HMCN1: variants seen among roughly 807,000 people sequenced by gnomAD.
HMCN1 encodes hemicentin 1, also known as hemicentin-1.
HMCN1 carries 321 observed loss-of-function variants against 625.9 expected under a neutral mutation model. That is an observed-to-expected ratio of 0.51 (90% confidence interval 0.47 to 0.56). The LOEUF is 0.56. Ranked by LOEUF, HMCN1 falls within the 20% of genes least tolerant of loss-of-function variation. The pLI, the probability that HMCN1 is intolerant of heterozygous loss-of-function variation, is 0.00. For missense variants in HMCN1, 6,588 were observed against 6,887.3 expected (o/e 0.96, Z 1.54); for synonymous variants, 2,425 against 2,417.6 (o/e 1.00, Z -0.09).
At chr1:185,987,066 G>C (rs1344382357) in intron 19 of HMCN1, among the ~76,000 whole-genome samples, 1 of 151,550 alleles carries the variant, frequency 6.6e-6, no homozygotes, top group Admixed American at 6.6e-5. Flanking sequence ...AATGAATAAA[G>C]GACAGTGATT....
Position 186,095,493 on chromosome 1 carries a change from C to T in HMCN1, c.10545C>T (p.Val3515=). The change falls in exon 68 of 107, where the codon GTC becomes GTT. Residue 3515 remains valine (V), a synonymous_variant. Coordinates refer to ENST00000271588, the MANE Select transcript of HMCN1 (RefSeq NM_031935.3). ...TCIASNEAGE[V]SKHFILKVLE... ...TTGCCTCAAATGAAGCTGGAGAAGT[C>T]AGCAAGCACTTTATCCTCAAGGTCC... The T allele has an allele frequency of 6.2e-7, 1 of 1,613,542 alleles. No homozygotes were observed. The highest frequency in any genetic ancestry group is 1.3e-5 in the African/African-American group (1 of 74,982).
intron 6 of HMCN1, among the ~76,000 whole-genome samples, chr1:185,912,643 A>G (rs1312529921): frequency 6.6e-6 from 1 of 152,012 alleles, no homozygotes; most frequent in Non-Finnish European, 1.5e-5. Flanking sequence ...TTTTCCTAGA[A>G]CAGGAAAAGG....
At chr1:185,748,422 A>AT (rs752544772) in intron 1 of HMCN1, among the ~76,000 whole-genome samples, 10 of 152,256 alleles carry the variant, frequency 6.6e-5, no homozygotes, top group Non-Finnish European at 8.8e-5. Flanking sequence ...ATTTTCCAAA[A>AT]TTTCACATCT....
chr1:185,758,168 C>T (rs1655255774), intron 1 of HMCN1, among the ~76,000 whole-genome samples: 2 of 152,176 alleles, frequency 1.3e-5, no homozygotes, highest in South Asian at 4.1e-4. Flanking sequence ...TCAACATGCC[C>T]ATGCCATTTT....
intron 30 of HMCN1, among the ~76,000 whole-genome samples, chr1:186,011,000 A>T (rs140005519): frequency 1.3e-5 from 2 of 151,452 alleles, no homozygotes; most frequent in African/African-American, 4.9e-5. Context: ...ATTCTCTATC[A>T]TCAAAATCAA....
intron 1 of HMCN1, among the ~76,000 whole-genome samples, chr1:185,819,422 C>T (rs1660050254): frequency 6.6e-6 from 1 of 152,112 alleles, no homozygotes; most frequent in African/African-American, 2.4e-5. Flanking sequence ...TTTTGAGAAA[C>T]ATACTTTTTC....
chr1:186,082,892 G>A lies in HMCN1; in HGVS notation c.8815G>A (p.Gly2939Ser), dbSNP rs74967568. The A allele has an allele frequency of 7.5e-3, 11,920 of 1,584,234 alleles. 73 individuals are homozygous for A. The highest frequency in any genetic ancestry group is 0.034 in the Middle Eastern group (199 of 5,936). Reference protein sequence around the residue: ...QILNTQITDIGRYVCVAENTA... With the variant: ...QILNTQITDISRYVCVAENTA... ...TCTGAATACTCAAATAACAGATATC[G>A]GCAGGTATGTGTGTGTTGCTGAGAA... The change falls in exon 57 of 107, where the codon GGC becomes AGC. Residue 2939 changes from glycine to serine, a missense_variant. This residue lies in a region of HMCN1 where 4,628 missense variants were observed against 4,853.1 expected (regional missense o/e 0.95). Transcript: ENST00000271588.
At chr1:185,855,502 A>G (rs922843353) in intron 2 of HMCN1, among the ~76,000 whole-genome samples, 9 of 152,124 alleles carry the variant, frequency 5.9e-5, no homozygotes, top group Admixed American at 1.3e-4. Context: ...ACTCATGTGA[A>G]TTATGAAACT....
intron 10 of HMCN1, 128 bp downstream of exon 10, chr1:185,928,795 T>C: frequency 9.6e-7 from 1 of 1,040,962 alleles, no homozygotes; most frequent in Non-Finnish European, 1.5e-6. Context: ...ATCTCTCCAC[T>C]GAATTGAGAA....
chr1:185,792,386 T>C (rs1658068519), intron 1 of HMCN1, among the ~76,000 whole-genome samples: 1 of 152,238 alleles, frequency 6.6e-6, no homozygotes, highest in African/African-American at 2.4e-5. Context: ...TTTTTATTGA[T>C]GGCTTATTCC....
At chr1:185,961,579 C>T (rs1650026716) in intron 11 of HMCN1, among the ~76,000 whole-genome samples, 1 of 152,172 alleles carries the variant, frequency 6.6e-6, no homozygotes, top group African/African-American at 2.4e-5. Context: ...TAGATATTTA[C>T]ATTAGGAGCT....
intron 1 of HMCN1, among the ~76,000 whole-genome samples, chr1:185,828,503 TTGA>T (rs1486024956): frequency 6.6e-6 from 1 of 152,150 alleles, no homozygotes; most frequent in African/African-American, 2.4e-5. Flanking sequence ...TCTTCCATAG[TTGA>T]TGACAGATAG....
intron 36 of HMCN1, among the ~76,000 whole-genome samples, chr1:186,024,842 C>A (rs1264009345): frequency 1.3e-5 from 2 of 152,166 alleles, no homozygotes; most frequent in Non-Finnish European, 2.9e-5. Context: ...CAGCCCCCAA[C>A]CTTTTTGGCA....
intron 1 of HMCN1, among the ~76,000 whole-genome samples, chr1:185,828,689 T>A (rs1431905532): frequency 6.6e-6 from 1 of 152,020 alleles, no homozygotes; most frequent in Non-Finnish European, 1.5e-5. Flanking sequence ...CTCATCACAA[T>A]GAAATAAAAC....
intron 10 of HMCN1, among the ~76,000 whole-genome samples, chr1:185,931,516 T>C (rs188417781): frequency 2.0e-4 from 30 of 152,294 alleles, no homozygotes; most frequent in African/African-American, 7.2e-4. Context: ...CATCCGCTCA[T>C]GTATGTTAGT....
At chr1:185,862,780 G>A (rs183790572) in intron 2 of HMCN1, among the ~76,000 whole-genome samples, 190 of 152,272 alleles carry the variant, frequency 1.2e-3, no homozygotes, top group African/African-American at 4.2e-3. Context: ...TCTATGGCTG[G>A]TATATTTTCC....
At position 186,165,097 on chromosome 1, in the gene HMCN1, C is replaced by T. The variant is rs549915135; in HGVS notation, c.15257-14C>T. The T allele has an allele frequency of 2.5e-6, 4 of 1,613,500 alleles. No homozygotes were observed. Among genetic ancestry groups the T allele is most frequent in the Non-Finnish European group, 3.4e-6 (4 of 1,179,550 alleles). ...CCAATAAGCCAGTTAACTTTGCTTT[C>T]CTCTCTGTGGTAGGAGATCGCAGTA... On this transcript the variant is annotated splice_polypyrimidine_tract_variant and intron_variant, in intron 97 of 106. Coordinates refer to ENST00000271588, the MANE Select transcript of HMCN1 (RefSeq NM_031935.3).
intron 2 of HMCN1, among the ~76,000 whole-genome samples, chr1:185,848,898 TC>T (rs1310692496): frequency 6.6e-6 from 1 of 152,172 alleles, no homozygotes; most frequent in Non-Finnish European, 1.5e-5. Context: ...AATTACCATA[TC>T]TTTAGTCTAA....
At chr1:185,851,435 C>T (rs1314180161) in intron 2 of HMCN1, among the ~76,000 whole-genome samples, 3 of 151,930 alleles carry the variant, frequency 2.0e-5, no homozygotes, top group Admixed American at 2.0e-4. Context: ...CTAAAATTTT[C>T]CAGGAAAAAA....
Sources: allele counts gnomAD v4.1 joint callset (sites outside exome capture counted in the v4.1 genomes callset), GRCh38; gene constraint gnomAD v4.1.1; regional missense constraint gnomAD v4.1.1; transcripts MANE v1.5; gene names NCBI Gene and HGNC (gene_info 2026-07-23, HGNC 2026-07-21).